EFCAB8: variants seen among roughly 807,000 people sequenced by gnomAD.
The protein encoded by EFCAB8 is EF-hand calcium binding domain 8.
EFCAB8 carries 100 observed loss-of-function variants against 116.3 expected under a neutral mutation model. The observed-to-expected ratio is 0.86, with a 90% CI of 0.73 to 1.02. The LOEUF is 1.02. Ranked by LOEUF, EFCAB8 falls within the 50% of genes least tolerant of loss-of-function variation. The probability of loss-of-function intolerance (pLI) is 0.00; values close to 1 mark genes in which losing one functional copy is unlikely to be tolerated. For missense variants in EFCAB8, 1,320 were observed against 1,416.9 expected (o/e 0.93, Z 1.10); for synonymous variants, 558 against 567.9 (o/e 0.98, Z 0.25).
intron 21 of EFCAB8, 83 bp downstream of exon 21, chr20:32,930,699 A>C (rs1045163712): frequency 7.7e-7 from 1 of 1,305,878 alleles, no homozygotes; most frequent in Admixed American, 2.0e-5. Context: ...GCCCTTGCCT[A>C]GTTCCTACTC....
At position 32,867,840 on chromosome 20, in the gene EFCAB8, G is replaced by T. The variant is rs1485664894; in HGVS notation, c.208+93G>T. On this transcript the variant is annotated intron_variant, in intron 3 of 26. Coordinates refer to ENST00000400522, the MANE Select transcript of EFCAB8 (RefSeq NM_001143967.2). ...TGTGTGGAGGGTTCAGACATAATAA[G>T]CATTTTTTTTTTGTTTTTGAGACAG... 5.1e-6 allele frequency: 7 copies of T among 1,385,958 alleles called. No homozygotes were observed. The African/African-American group carries it at 1.0e-4, about 20-fold the overall frequency. 85.9% of individuals were successfully genotyped at this position (1,385,958 alleles called of 1,614,324 possible).
At chr20:32,921,831 C>CTTTTTTTTTTTTTTTTTTTTTTTTT (rs11483441) in intron 20 of EFCAB8, among the ~76,000 whole-genome samples, 1 of 130,224 alleles carries the variant, frequency 7.7e-6, no homozygotes. Flanking sequence ...TTACCTTATT[C>CTTTTTTTTTTTTTTTTTTTTTTTTT]TTTTTTTTTT....
intron 2 of EFCAB8, among the ~76,000 whole-genome samples, chr20:32,866,098 T>C (rs1984385422): frequency 6.6e-6 from 1 of 152,146 alleles, no homozygotes; most frequent in Admixed American, 6.5e-5. Context: ...TGCTCCTCTG[T>C]TGGGCTCCGT....
intron 23 of EFCAB8, among the ~76,000 whole-genome samples, chr20:32,949,236 A>G (rs1253416964): frequency 6.6e-6 from 1 of 152,234 alleles, no homozygotes; most frequent in Non-Finnish European, 1.5e-5. Flanking sequence ...CATAAATACC[A>G]AGATATGTAA....
intron 17 of EFCAB8, among the ~76,000 whole-genome samples, chr20:32,913,557 C>T (rs1600417921): frequency 6.6e-6 from 1 of 152,120 alleles, no homozygotes; most frequent in South Asian, 2.1e-4. Flanking sequence ...TCATTTCATC[C>T]CAATAGCCCA....
At chr20:32,873,277 G>A (rs891907360) in intron 3 of EFCAB8, among the ~76,000 whole-genome samples, 4 of 151,856 alleles carry the variant, frequency 2.6e-5, no homozygotes, top group African/African-American at 9.7e-5. Context: ...CCTGAACTCT[G>A]AGGATGTTGG....
intron 19 of EFCAB8, among the ~76,000 whole-genome samples, chr20:32,919,768 G>A (rs1837009975): frequency 6.6e-6 from 1 of 152,150 alleles, no homozygotes. Context: ...CAAAGTGCTG[G>A]AATTACAGGT....
intron 1 of EFCAB8, among the ~76,000 whole-genome samples, chr20:32,861,861 A>G (rs1984131063): frequency 6.6e-6 from 1 of 152,208 alleles, no homozygotes; most frequent in African/African-American, 2.4e-5. Context: ...ATATGTTTCC[A>G]GGCTCTTTTT....
chr20:32,866,302 T>C (rs1033464878), intron 2 of EFCAB8, among the ~76,000 whole-genome samples: 8 of 152,174 alleles, frequency 5.3e-5, no homozygotes, highest in African/African-American at 1.9e-4. Context: ...CTTTTTGAAC[T>C]AAAGTGTTTT....
rs1300472517 is a variant in EFCAB8 at position 32,892,301 on chromosome 20, A to G, written c.758+4A>G. ...GTGCTCTGGTCATGGACTACTGGTG[A>G]GTCTCCACTGGGTGTTCCTCACATG... On this transcript the variant is annotated splice_donor_region_variant and intron_variant, in intron 8 of 26. Coordinates refer to ENST00000400522, the MANE Select transcript of EFCAB8 (RefSeq NM_001143967.2). 1 of 1,551,190 alleles carries G rather than the reference A, an allele frequency of 6.4e-7. No individual in the cohort carries two copies. Among genetic ancestry groups the G allele is most frequent in the African/African-American group, 1.4e-5 (1 of 73,116 alleles).
chr20:32,939,183 CTTT>C (rs1568941716), intron 22 of EFCAB8, among the ~76,000 whole-genome samples: 71 of 76,492 alleles, frequency 9.3e-4, no homozygotes, highest in Admixed American at 1.4e-3. Context: ...TTCTTTCTTT[CTTT>C]CTTTCTTTCT....
At chr20:32,927,992 C>G (rs1420237804) in intron 20 of EFCAB8, among the ~76,000 whole-genome samples, 1 of 152,122 alleles carries the variant, frequency 6.6e-6, no homozygotes, top group East Asian at 1.9e-4. Flanking sequence ...TCCCACTCCC[C>G]TCTCCCTCCA....
rs79351272 is a variant in EFCAB8 at position 32,950,339 on chromosome 20, G to A, written c.2959+6535G>A. On this transcript the variant is annotated intron_variant, in intron 23 of 26. Transcript: ENST00000400522. ...CTCTCAGAACTCAACAAGGAAACAA[G>A]TAATACAATAAAAACATTAGAAAGA... Among the ~76,000 whole-genome samples, 498 of 152,242 alleles carry A rather than the reference G, an allele frequency of 3.3e-3. 1 individual carries two copies. The highest frequency in any genetic ancestry group is 0.012 in the African/African-American group (482 of 41,538).
intron 22 of EFCAB8, among the ~76,000 whole-genome samples, chr20:32,941,280 A>G (rs1277460945): frequency 2.7e-5 from 4 of 149,072 alleles, no homozygotes; most frequent in African/African-American, 1.0e-4. Context: ...AAGAAAAAGA[A>G]CATAGAAAGC....
chr20:32,898,271 T>G, intron 10 of EFCAB8: 2 of 480,164 alleles, frequency 4.2e-6, no homozygotes, highest in South Asian at 3.6e-5. Flanking sequence ...AAAGTAGGCT[T>G]GTGTGCTTTT....
At chr20:32,913,977 T>C (rs1007083557) in intron 17 of EFCAB8, among the ~76,000 whole-genome samples, 1 of 152,234 alleles carries the variant, frequency 6.6e-6, no homozygotes, top group Non-Finnish European at 1.5e-5. Flanking sequence ...ACCTACAGAT[T>C]TGGGGAGCCT....
intron 1 of EFCAB8, among the ~76,000 whole-genome samples, chr20:32,862,204 C>T (rs368574521): frequency 1.2e-4 from 18 of 151,152 alleles, no homozygotes; most frequent in African/African-American, 3.4e-4. Flanking sequence ...GATCTCAGCT[C>T]TCTGCAGCCT....
At chr20:32,898,214 G>A (rs1021321272) in intron 10 of EFCAB8, among the ~76,000 whole-genome samples, 1 of 152,216 alleles carries the variant, frequency 6.6e-6, no homozygotes, top group Non-Finnish European at 1.5e-5. Flanking sequence ...GAGATGATTA[G>A]TATGGGCCTG....
chr20:32,907,435 G>A (rs974355721), intron 13 of EFCAB8, among the ~76,000 whole-genome samples: 1 of 152,190 alleles, frequency 6.6e-6, no homozygotes, highest in Non-Finnish European at 1.5e-5. Flanking sequence ...TGAGGGCTGG[G>A]CTTGGCCTTT....
Sources: gnomAD v4.1 joint callset for allele counts (sites outside exome capture counted in the v4.1 genomes callset) on GRCh38, gnomAD v4.1.1 for gene constraint, MANE v1.5 for transcripts, NCBI Gene and HGNC (gene_info 2026-07-23, HGNC 2026-07-21) for gene names.